RMDN1: variants seen among roughly 807,000 people sequenced by gnomAD.
RMDN1 encodes the protein regulator of microtubule dynamics protein 1.
A neutral mutation model predicts 48.9 loss-of-function variants in RMDN1; 48 were observed. The observed-to-expected ratio is 0.98, with a 90% confidence interval of 0.78 to 1.25. The LOEUF is 1.25. RMDN1 is among the 50% of genes most tolerant of loss of function. RMDN1 has a pLI of 0.00. For missense variants in RMDN1, 418 were observed against 373.4 expected (o/e 1.12, Z -0.98); for synonymous variants, 148 against 132.6 (o/e 1.12, Z -0.80).
At chr8:86,514,320 T>C in exon 1 of RMDN1, 1 of 966,638 alleles carries the variant, frequency 1.0e-6, no homozygotes, top group Non-Finnish European at 1.2e-6. Flanking sequence ...GGCAAGGAGC[T>C]GACATGCAGC....
At chr8:86,481,146 T>C (rs1023971465) in intron 5 of RMDN1, among the ~76,000 whole-genome samples, 2 of 152,196 alleles carry the variant, frequency 1.3e-5, no homozygotes, top group Non-Finnish European at 2.9e-5. Context: ...AGTTTAGTAA[T>C]GTGTGAGGTA....
chr8:86,488,487 TTTAATTGTTAAA>T, intron 3 of RMDN1, 53 bp downstream of exon 3: 1 of 953,268 alleles, frequency 1.0e-6, no homozygotes, highest in Non-Finnish European at 1.6e-6. Context: ...TAAGGGTCAT[TTTAATTGTTAAA>T]TAACAAAAAT....
rs903437282 is a variant in RMDN1, at chr8:86,474,133, A to G, written c.*175T>C. The G allele has an allele frequency of 3.7e-6, 5 of 1,356,928 alleles. No individual in the cohort carries two copies. Among genetic ancestry groups the G allele is most frequent in the Non-Finnish European group, 4.7e-6 (5 of 1,056,374 alleles). 84.1% of individuals were successfully genotyped at this position (1,356,928 alleles called of 1,614,324 possible). On this transcript the variant is annotated 3_prime_UTR_variant, in exon 10 of 10. Transcript: ENST00000406452. ...ATTTATTTCTACCACTCTTATGGCG[A>G]TTATTTATTTTACCCTATTATTTGT...
chr8:86,508,652 C>T lies in RMDN1; in HGVS notation c.-32G>A. On this transcript the variant is annotated 5_prime_UTR_variant, in exon 1 of 10. Transcript: ENST00000406452. ...CAACTTGCGGGCTGACCCTGCACTA[C>T]TTCAGGCAGCTACGGAGGCGGGCGG... The T allele has an allele frequency of 6.4e-7, 1 of 1,569,018 alleles. No individual in the cohort carries two copies. The highest frequency in any genetic ancestry group is 8.6e-7 in the Non-Finnish European group (1 of 1,156,132).
intron 1 of RMDN1, among the ~76,000 whole-genome samples, chr8:86,507,534 C>A (rs967359059): frequency 1.3e-5 from 2 of 152,136 alleles, no homozygotes; most frequent in Admixed American, 6.5e-5. Context: ...GAGACAGGGT[C>A]TCACTGTGTT....
At chr8:86,495,561 C>T (rs72690421) in intron 2 of RMDN1, among the ~76,000 whole-genome samples, 8,278 of 152,182 alleles carry the variant, frequency 0.054, 319 homozygotes, top group Non-Finnish European at 0.086. Flanking sequence ...GTCTTGTGCA[C>T]GGAATGGGGC....
intron 2 of RMDN1, among the ~76,000 whole-genome samples, chr8:86,500,537 A>G (rs1349205333): frequency 6.6e-6 from 1 of 152,080 alleles, no homozygotes; most frequent in Non-Finnish European, 1.5e-5. Flanking sequence ...AATTAAAAAA[A>G]AAAAAGATGC....
chr8:86,500,755 C>T (rs961915607), intron 2 of RMDN1, among the ~76,000 whole-genome samples: 8 of 152,204 alleles, frequency 5.3e-5, no homozygotes, highest in Non-Finnish European at 1.2e-4. Context: ...AAGTTCATCA[C>T]TGCACTGTTC....
chr8:86,509,609 C>T (rs1182799924), upstream of RMDN1, among the ~76,000 whole-genome samples: 3 of 152,120 alleles, frequency 2.0e-5, no homozygotes, highest in East Asian at 1.9e-4. Context: ...AATACATAGT[C>T]GTATTGATCT....
Position 86,508,564 on chromosome 8 carries a change from C to CG in RMDN1, c.56dup (p.Ser21ValfsTer46). The CG allele has an allele frequency of 6.2e-7, 1 of 1,600,470 alleles. No individual in the cohort carries two copies. The highest frequency in any genetic ancestry group is 8.5e-7 in the Non-Finnish European group (1 of 1,175,414). ...AAGTCCCCGCAGGGAGACGAGACCC[C>CG]GGGGCGGCTCCACGTCGGAAAGGCA... On this transcript the variant is annotated frameshift_variant, in exon 1 of 10. Transcript: ENST00000406452. LOFTEE classifies it high-confidence loss of function.
chr8:86,474,138 T>C lies in RMDN1; in HGVS notation c.*170A>G, dbSNP rs1812968092. On this transcript the variant is annotated 3_prime_UTR_variant, in exon 10 of 10. Coordinates refer to ENST00000406452, the MANE Select transcript of RMDN1 (RefSeq NM_016033.3). ...TTTCTACCACTCTTATGGCGATTATTTATTTTACCCTATTATTTGTGAAGA... is the reference window on the plus strand; with the variant it reads ...TTTCTACCACTCTTATGGCGATTATCTATTTTACCCTATTATTTGTGAAGA... The C allele has an allele frequency of 7.3e-7, 1 of 1,362,868 alleles. No homozygotes were observed. Among genetic ancestry groups the C allele is most frequent in the Non-Finnish European group, 9.4e-7 (1 of 1,059,740 alleles). 84.4% of individuals were successfully genotyped at this position (1,362,868 alleles called of 1,614,324 possible).
At position 86,474,107 on chromosome 8, in the gene RMDN1, G is replaced by GAT; in HGVS notation, c.*199_*200dup. 7 of 1,304,542 alleles carry GAT rather than the reference G, an allele frequency of 5.4e-6. No homozygotes were observed. Among genetic ancestry groups the GAT allele is most frequent in the Non-Finnish European group, 6.8e-6 (7 of 1,027,426 alleles). The allele number at this position is 1,304,542 out of a possible 1,614,324, so 80.8% of individuals were successfully genotyped here. On this transcript the variant is annotated 3_prime_UTR_variant, in exon 10 of 10. Transcript: ENST00000406452. ...ATAATCTCTTTGCCTGAGCCATGGA[G>GAT]ATTTATTTCTACCACTCTTATGGCG...
rs756634698 is a variant in RMDN1, at chr8:86,506,980, C to T, written c.247+15G>A. On this transcript the variant is annotated intron_variant, in intron 2 of 9. Transcript: ENST00000406452. ...AAAAAACTCTAAATGTTCCATATAT[C>T]TAATTTATGCTTACCTTTGGCTGTG... The T allele has an allele frequency of 7.2e-7, 1 of 1,395,040 alleles. No individual in the cohort carries two copies. Among genetic ancestry groups the T allele is most frequent in the African/African-American group, 1.4e-5 (1 of 69,670 alleles). The allele number at this position is 1,395,040 out of a possible 1,614,324, so 86.4% of individuals were successfully genotyped here. A position where few individuals can be genotyped will look rare whatever the true frequency, so the allele number is the denominator to read the frequency against.
At chr8:86,514,028 C>A (rs1273915119) in intron 1 of RMDN1, among the ~76,000 whole-genome samples, 1 of 151,502 alleles carries the variant, frequency 6.6e-6, no homozygotes, top group African/African-American at 2.4e-5. Flanking sequence ...CTTTTTGTAG[C>A]GGTGGAGGGG....
chr8:86,508,662 C>T lies in RMDN1; in HGVS notation c.-42G>A, dbSNP rs753621369. The T allele has an allele frequency of 3.9e-6, 6 of 1,556,104 alleles. No homozygotes were observed. In the African/African-American group the frequency reaches 8.2e-5, roughly 21 times the overall value. On this transcript the variant is annotated 5_prime_UTR_variant, in exon 1 of 10. Coordinates refer to ENST00000406452, the MANE Select transcript of RMDN1 (RefSeq NM_016033.3). ...GCTGACCCTGCACTACTTCAGGCAG[C>T]TACGGAGGCGGGCGGGGCTAAAGGA...
rs1813887279 is a variant in RMDN1 at position 86,479,083 on chromosome 8, A to C, written c.642-73T>G. ...TCTCTTAAAGTTAACTAAGCATCTT[A>C]ATACTATAAAAGGAATCTTCTACTG... On this transcript the variant is annotated intron_variant, in intron 6 of 9. Coordinates refer to ENST00000406452, the MANE Select transcript of RMDN1 (RefSeq NM_016033.3). The C allele has an allele frequency of 4.6e-6, 5 of 1,091,996 alleles. No individual in the cohort carries two copies. The South Asian group carries it at 6.5e-5, about 14-fold the overall frequency. The allele number at this position is 1,091,996 out of a possible 1,614,324, so 67.6% of individuals were successfully genotyped here.
At chr8:86,481,904 T>G in intron 5 of RMDN1, 1 of 778,830 alleles carries the variant, frequency 1.3e-6, no homozygotes, top group Non-Finnish European at 2.1e-6. Context: ...CAAAGTGGGG[T>G]GGCTCGGCCA....
Position 86,474,920 on chromosome 8 carries a change from A to G in RMDN1, c.794T>C (p.Leu265Pro). 1.2e-6 allele frequency: 2 copies of G among 1,611,022 alleles called. No individual in the cohort carries two copies. The highest frequency in any genetic ancestry group is 1.7e-6 in the Non-Finnish European group (2 of 1,179,124). The change falls in exon 9 of 10, where the codon CTT becomes CCT. Residue 265 changes from leucine to proline, a missense_variant. Transcript: ENST00000406452. ...TAGTTTCAAGTATGTCTTTCCTAAA[A>G]GAAGTAAGTTTTTGCTGTAGAAGTT... ...DPNFYSKNLL[L>P]LGKTYLKLHN...
intron 5 of RMDN1, among the ~76,000 whole-genome samples, chr8:86,483,551 A>C (rs1453812160): frequency 6.6e-6 from 1 of 152,244 alleles, no homozygotes; most frequent in Non-Finnish European, 1.5e-5. Context: ...CATTTCAAGG[A>C]TTTTAAACTG....
Sources: gnomAD v4.1 joint callset for allele counts (sites outside exome capture counted in the v4.1 genomes callset) on GRCh38, gnomAD v4.1.1 for gene constraint, MANE v1.5 for transcripts, NCBI Gene and HGNC (gene_info 2026-07-23, HGNC 2026-07-21) for gene names.